DAB2IP: variants seen among roughly 807,000 people sequenced by gnomAD.
The protein encoded by DAB2IP is DAB2 interacting protein.
A neutral mutation model predicts 107.2 loss-of-function variants in DAB2IP; 28 were observed. The ratio of observed to expected loss-of-function variants is 0.26; its 90% CI spans 0.19 to 0.36. The LOEUF (loss-of-function observed/expected upper bound fraction) is 0.36, where lower values mean the gene tolerates loss of function less well. DAB2IP is among the 10% of genes least tolerant of loss of function. The pLI, the probability that DAB2IP is intolerant of heterozygous loss-of-function variation, is 1.00. For synonymous variants in DAB2IP, 755 were observed against 706.4 expected (o/e 1.07, Z -1.09); for missense variants, 1,400 against 1,644.7 (o/e 0.85, Z 2.57).
chr9:121,672,263 A>G (rs1292616259), intron 1 of DAB2IP, among the ~76,000 whole-genome samples: 1 of 151,970 alleles, frequency 6.6e-6, no homozygotes, highest in African/African-American at 2.4e-5. Flanking sequence ...CTTGTTCTAC[A>G]CTCTTGCTGA....
chr9:121,629,197 G>A (rs959038502), intron 1 of DAB2IP, among the ~76,000 whole-genome samples: 21 of 152,166 alleles, frequency 1.4e-4, no homozygotes, highest in African/African-American at 5.1e-4. Context: ...GGCCCACCTC[G>A]GGGCCCTACC....
At chr9:121,587,283 C>T (rs572832861) in intron 1 of DAB2IP, among the ~76,000 whole-genome samples, 3 of 151,970 alleles carry the variant, frequency 2.0e-5, no homozygotes, top group South Asian at 2.1e-4. Flanking sequence ...GGAAAAAACC[C>T]GGAGGCAGGG....
Position 121,770,578 on chromosome 9 carries a change from G to C in DAB2IP, c.1932G>C (p.Arg644=), listed in dbSNP as rs1320834170. Residue 644 remains arginine (R), a synonymous_variant, in exon 11 of 16, where the codon CGG becomes CGC. Transcript: ENST00000408936. ...TATCCAAACTGGGACCCCTGCCTCGGATCCTGAGGGACGTCCACACAGCAC... is the reference window on the plus strand; with the variant it reads ...TATCCAAACTGGGACCCCTGCCTCGCATCCTGAGGGACGTCCACACAGCAC... 2.5e-6 allele frequency: 4 copies of C among 1,614,088 alleles called. No individual in the cohort carries two copies. In the Admixed American group the frequency reaches 6.7e-5, roughly 27 times the overall value.
In DAB2IP at chr9:121,763,690, G is replaced by T. The variant is rs772054353; in HGVS notation, c.1315+41G>T. The stretch of plus-strand genomic sequence containing the variant: ...GCAGCAGGGCAGAGGGTGGGGCAGG[G>T]CCCGCCAGGTCCTCACTCCCCACTC... On this transcript the variant is annotated intron_variant, in intron 7 of 15. Transcript: ENST00000408936. 12 of 1,611,758 alleles carry T rather than the reference G, an allele frequency of 7.4e-6. No homozygotes were observed. The Admixed American group carries it at 2.0e-4, about 27-fold the overall frequency.
intron 3 of DAB2IP, among the ~76,000 whole-genome samples, chr9:121,724,060 G>T: frequency 6.6e-6 from 1 of 152,116 alleles, no homozygotes; most frequent in East Asian, 1.9e-4. Flanking sequence ...CAACATGGGG[G>T]ATTGTTTACT....
At position 121,608,576 on chromosome 9, in the gene DAB2IP, A is replaced by G. The variant is rs538465145; in HGVS notation, c.40+41348A>G. Among the ~76,000 whole-genome samples, 5 of 152,234 alleles carry G rather than the reference A, an allele frequency of 3.3e-5. No homozygotes were observed. The East Asian group carries it at 9.7e-4, about 29-fold the overall frequency. On this transcript the variant is annotated intron_variant, in intron 1 of 16. Coordinates refer to the DAB2IP transcript ENST00000259371. ...GGTAGTGATGGGAATAAAGCAGAAAAGTACCATCAGGACCCCAAATCGAGG... is the reference window on the plus strand; with the variant it reads ...GGTAGTGATGGGAATAAAGCAGAAAGGTACCATCAGGACCCCAAATCGAGG...
chr9:121,718,457 G>A (rs955318049), intron 3 of DAB2IP, among the ~76,000 whole-genome samples: 10 of 152,250 alleles, frequency 6.6e-5, no homozygotes, highest in African/African-American at 1.4e-4. Context: ...ACCCGACTTC[G>A]AGGTCTTAAC....
chr9:121,776,439 C>A lies in DAB2IP; in HGVS notation c.3314+48C>A. 6.8e-7 allele frequency: 1 copy of A among 1,462,650 alleles called. No homozygotes were observed. Among genetic ancestry groups the A allele is most frequent in the Admixed American group, 2.8e-5 (1 of 36,240 alleles). The allele number at this position is 1,462,650 out of a possible 1,614,324, so 90.6% of individuals were successfully genotyped here. A position where few individuals can be genotyped will look rare whatever the true frequency, so the allele number is the denominator to read the frequency against. ...CTGGCCACAGGCACAGGCAGGGCAG[C>A]CATCGCTGCCTTCGAGGAGGCCCCT... On this transcript the variant is annotated intron_variant, in intron 14 of 15. Coordinates refer to ENST00000408936, the Ensembl canonical transcript of DAB2IP. This position sits in a 1 kb window ranked among gnomAD's most constrained non-coding sequence, Gnocchi z 5.4.
intron 1 of DAB2IP, among the ~76,000 whole-genome samples, chr9:121,645,913 G>A (rs1389220963): frequency 6.6e-6 from 1 of 152,184 alleles, no homozygotes; most frequent in Non-Finnish European, 1.5e-5. Flanking sequence ...GAATCTCTGG[G>A]AGGTGAGCTG....
chr9:121,771,968 A>G (rs1052649043), intron 11 of DAB2IP, among the ~76,000 whole-genome samples: 170 of 152,056 alleles, frequency 1.1e-3, no homozygotes, highest in African/African-American at 3.9e-3. Flanking sequence ...GGCCAGGGAG[A>G]GGCCAGAGAA....
intron 1 of DAB2IP, among the ~76,000 whole-genome samples, chr9:121,642,490 T>C (rs1299015469): frequency 2.8e-4 from 18 of 63,508 alleles, no homozygotes; most frequent in Non-Finnish European, 3.3e-4. Context: ...TTTTTTTTCT[T>C]TTTTTTTTTT....
At chr9:121,764,427 A>T (rs756312525) in intron 8 of DAB2IP, among the ~76,000 whole-genome samples, 1 of 152,264 alleles carries the variant, frequency 6.6e-6, no homozygotes, top group Non-Finnish European at 1.5e-5. Flanking sequence ...TGGGCTGCTT[A>T]GACAGGCCCC....
At chr9:121,611,518 C>T (rs1296950651) in intron 1 of DAB2IP, among the ~76,000 whole-genome samples, 1 of 152,152 alleles carries the variant, frequency 6.6e-6, no homozygotes, top group African/African-American at 2.4e-5. Flanking sequence ...TTTCTCTGAT[C>T]CTCAGTATTC....
chr9:121,605,633 T>C (rs1830843397), intron 1 of DAB2IP, among the ~76,000 whole-genome samples: 1 of 152,212 alleles, frequency 6.6e-6, no homozygotes, highest in African/African-American at 2.4e-5. Flanking sequence ...CTAGAGTATC[T>C]GGGACTACAG....
At chr9:121,666,545 C>T (rs1833437168) in intron 1 of DAB2IP, among the ~76,000 whole-genome samples, 1 of 151,566 alleles carries the variant, frequency 6.6e-6, no homozygotes, top group South Asian at 2.1e-4. Flanking sequence ...CATGTGGACA[C>T]AGGGAGGGGA....
At chr9:121,681,220 A>G (rs1448281856) in intron 2 of DAB2IP, among the ~76,000 whole-genome samples, 1 of 152,140 alleles carries the variant, frequency 6.6e-6, no homozygotes, top group Non-Finnish European at 1.5e-5. Flanking sequence ...GGCATGAGGC[A>G]CACCCATCCT....
At chr9:121,659,868 C>T (rs1041306264) in intron 1 of DAB2IP, among the ~76,000 whole-genome samples, 10 of 152,224 alleles carry the variant, frequency 6.6e-5, no homozygotes, top group Non-Finnish European at 8.8e-5. Context: ...GGTGGTTTCT[C>T]GGCATCCCTA....
At chr9:121,763,685 G>A (rs757310899) in intron 7 of DAB2IP, 36 bp downstream of exon 7, 2 of 1,611,952 alleles carry the variant, frequency 1.2e-6, no homozygotes, top group Admixed American at 3.3e-5. Flanking sequence ...AGAGGGTGGG[G>A]CAGGGCCCGC....
chr9:121,606,363 C>T, intron 1 of DAB2IP, among the ~76,000 whole-genome samples: 1 of 151,148 alleles, frequency 6.6e-6, no homozygotes, highest in South Asian at 2.1e-4. Flanking sequence ...GATTCTGTCT[C>T]AATAATAATA....
Sources: allele counts gnomAD v4.1 joint callset (sites outside exome capture counted in the v4.1 genomes callset), GRCh38; gene constraint gnomAD v4.1.1; non-coding constraint Gnocchi (gnomAD v3.1); transcripts MANE v1.5; gene names NCBI Gene and HGNC (gene_info 2026-07-23, HGNC 2026-07-21).